ALG11: variants seen among roughly 807,000 people sequenced by gnomAD.
ALG11 encodes the protein GDP-Man:Man(3)GlcNAc(2)-PP-Dol alpha-1,2-mannosyltransferase.
ALG11 carries 26 observed loss-of-function variants against 38.8 expected under a neutral mutation model. The ratio of observed to expected loss-of-function variants is 0.67; its 90% CI spans 0.49 to 0.93. The LOEUF (loss-of-function observed/expected upper bound fraction) is 0.93, where lower values mean the gene tolerates loss of function less well. Among genes scored for constraint, ALG11 ranks in the 40% least tolerant of loss-of-function variants. The pLI, the probability that ALG11 is intolerant of heterozygous loss-of-function variation, is 0.00. For missense variants in ALG11, 535 were observed against 578.8 expected (o/e 0.92, Z 0.78); for synonymous variants, 199 against 211.6 (o/e 0.94, Z 0.52).
chr13:52,012,403 CG>C lies in ALG11; in HGVS notation c.-11del. ...AGGAAAGTGAAGCGTTTCCTGAGTT[CG>C]GGGGTCGGCGGAAGATGGCGGCCGG... On this transcript the variant is annotated 5_prime_UTR_variant, in exon 1 of 4. Coordinates refer to ENST00000521508, the MANE Select transcript of ALG11 (RefSeq NM_001004127.3). 6.2e-7 allele frequency: 1 copy of C among 1,614,002 alleles called. No individual in the cohort carries two copies. Among genetic ancestry groups the C allele is most frequent in the Non-Finnish European group, 8.5e-7 (1 of 1,180,022 alleles).
chr13:52,024,054 C>G lies in ALG11; in HGVS notation c.324C>G (p.Asn108Lys), dbSNP rs759862905. Residue 108 changes from asparagine to lysine, a missense_variant, in exon 3 of 4, where the codon AAC becomes AAG. Transcript: ENST00000521508. ...TTTATACCGGCGATGTTAATGTCAA[C>G]GGTCAACAGATACTAGAAGGTGCTT... ...YVVYTGDVNV[N>K]GQQILEGAFR... 1 of 1,614,090 alleles carries G rather than the reference C, an allele frequency of 6.2e-7. No homozygotes were observed. Among genetic ancestry groups the G allele is most frequent in the Admixed American group, 1.7e-5 (1 of 60,020 alleles).
Position 52,024,025 on chromosome 13 carries a change from G to C in ALG11, c.295G>C (p.Val99Leu), listed in dbSNP as rs745642141. Residue 99 changes from valine (V) to leucine (L), a missense_variant, in exon 3 of 4, where the codon GTT becomes CTT. Transcript: ENST00000521508. ...LQKKYPEAVY[V>L]VYTGDVNVNG... ...TTTTAGGTATCCTGAAGCAGTTTAT[G>C]TTGTTTATACCGGCGATGTTAATGT... 1 of 1,614,046 alleles carries C rather than the reference G, an allele frequency of 6.2e-7. No individual in the cohort carries two copies. Among genetic ancestry groups the C allele is most frequent in the East Asian group, 2.2e-5 (1 of 44,866 alleles).
At chr13:52,016,565 C>A (rs564155802) in intron 1 of ALG11, 2 of 152,234 alleles carry the variant, frequency 1.3e-5, no homozygotes, top group African/African-American at 4.8e-5. Flanking sequence ...CTGCTCCAGC[C>A]GTGGCTGAAA....
At chr13:52,018,144 G>C (rs1954150777) in intron 1 of ALG11, among the ~76,000 whole-genome samples, 1 of 152,118 alleles carries the variant, frequency 6.6e-6, no homozygotes, top group African/African-American at 2.4e-5. Flanking sequence ...TATATTCATT[G>C]GATGCCTTCT....
Position 52,019,997 on chromosome 13 carries a change from A to C in ALG11, c.275+854A>C, listed in dbSNP as rs191874864. 4.5e-4 allele frequency among the ~76,000 whole-genome samples: 68 copies of C among 152,328 alleles called. 1 individual carries two copies. The East Asian group carries it at 0.013, about 29-fold the overall frequency. ...AAACATCTGCCCTTTTATGGCATAA[A>C]TTAATGGGAATAACTGGTCCCCTTG... On this transcript the variant is annotated intron_variant, in intron 2 of 3. Transcript: ENST00000521508.
intron 3 of ALG11, 25 bp downstream of exon 3, chr13:52,024,962 G>A (rs774400069): frequency 6.3e-7 from 1 of 1,591,036 alleles, no homozygotes; most frequent in Non-Finnish European, 8.6e-7. Context: ...TAAACAACTT[G>A]TTTGGTGCCA....
Position 52,030,198 on chromosome 13 carries a change from T to A in ALG11, c.*1608T>A. ...GAATTGAGGGCACTATCTCAGAAAT[T>A]GAAGGAAAAACATCAGTCCAGGAAG... is the stretch of plus-strand genomic sequence containing the variant. On this transcript the variant is annotated 3_prime_UTR_variant, in exon 4 of 4. Coordinates refer to ENST00000521508, the MANE Select transcript of ALG11 (RefSeq NM_001004127.3). 6.2e-7 allele frequency: 1 copy of A among 1,614,030 alleles called. No individual in the cohort carries two copies. Among genetic ancestry groups the A allele is most frequent in the African/African-American group, 1.3e-5 (1 of 74,978 alleles).
chr13:52,014,516 T>C (rs551768340), intron 1 of ALG11, among the ~76,000 whole-genome samples: 4 of 152,010 alleles, frequency 2.6e-5, no homozygotes, highest in Non-Finnish European at 5.9e-5. Context: ...CATTTGGCAA[T>C]ATCTGGAGGG....
intron 2 of ALG11, chr13:52,022,585 T>C (rs1370746863): frequency 6.6e-6 from 1 of 152,370 alleles, no homozygotes; most frequent in East Asian, 1.9e-4. Context: ...TTTGCAGTTA[T>C]TTGTTTTGCA....
Position 52,031,403 on chromosome 13 carries a change from TG to T in ALG11, c.*2814del. 2.7e-6 allele frequency: 1 copy of T among 363,848 alleles called. No individual in the cohort carries two copies. Among genetic ancestry groups the T allele is most frequent in the East Asian group, 5.7e-5 (1 of 17,688 alleles). The allele number at this position is 363,848 out of a possible 1,614,324, so 22.5% of individuals were successfully genotyped here. ...AATTTTAAACAGACTTGTTTAATCG[TG>T]TTCTCAAAGCATACAGTCAAGAGGT... On this transcript the variant is annotated 3_prime_UTR_variant, in exon 4 of 4. Coordinates refer to ENST00000521508, the MANE Select transcript of ALG11 (RefSeq NM_001004127.3).
rs773554796 is a variant in ALG11, at chr13:52,029,727, A to G, written c.*1137A>G. The G allele has an allele frequency of 2.5e-6, 4 of 1,614,228 alleles. No homozygotes were observed. The highest frequency in any genetic ancestry group is 3.4e-6 in the Non-Finnish European group (4 of 1,180,036). On this transcript the variant is annotated 3_prime_UTR_variant, in exon 4 of 4. Coordinates refer to ENST00000521508, the MANE Select transcript of ALG11 (RefSeq NM_001004127.3). The stretch of plus-strand genomic sequence containing the variant: ...AACAGTGGGAAATGGGCCAAGTCAA[A>G]GGCAATTATGGCCAAATATGACCTG...
chr13:52,021,793 ATC>A (rs1337493300), intron 2 of ALG11: 2 of 152,372 alleles, frequency 1.3e-5, no homozygotes, highest in African/African-American at 4.8e-5. Context: ...GCTGTCGGGC[ATC>A]TCTCTCACTG....
chr13:52,017,180 C>T (rs1044913780), intron 1 of ALG11: 3 of 152,246 alleles, frequency 2.0e-5, no homozygotes, highest in African/African-American at 7.2e-5. Flanking sequence ...TTTGGAACAG[C>T]TGTACTTACC....
chr13:52,020,971 G>A (rs897506965), intron 2 of ALG11: 1 of 152,226 alleles, frequency 6.6e-6, no homozygotes, highest in Non-Finnish European at 1.5e-5. Context: ...GACCTGCTAT[G>A]TGTCAGGCAC....
Position 52,024,582 on chromosome 13 carries a change from G to T in ALG11, c.852G>T (p.Val284=). Residue 284 remains valine, a synonymous_variant, in exon 3 of 4, where the codon GTG becomes GTT. Transcript: ENST00000521508. ...CTNIVYPPCD[V]QTFLDIPLHE... ...ACATTGTTTATCCACCTTGTGATGTGCAGACATTTCTGGACATTCCCTTAC... is the reference window on the plus strand; with the variant it reads ...ACATTGTTTATCCACCTTGTGATGTTCAGACATTTCTGGACATTCCCTTAC... 2 of 1,614,112 alleles carry T rather than the reference G, an allele frequency of 1.2e-6. No individual in the cohort carries two copies. The highest frequency in any genetic ancestry group is 1.7e-6 in the Non-Finnish European group (2 of 1,179,992).
chr13:52,025,697 T>G (rs1954233732), intron 3 of ALG11, among the ~76,000 whole-genome samples: 1 of 152,226 alleles, frequency 6.6e-6, no homozygotes. Flanking sequence ...AGCACACATT[T>G]TGCTATAAAA....
chr13:52,023,924 A>C (rs1954210815), intron 2 of ALG11, 82 bp from the exon 3 acceptor site: 1 of 1,263,752 alleles, frequency 7.9e-7, no homozygotes, highest in Admixed American at 1.8e-5. Flanking sequence ...CCTCCTGAGT[A>C]GCTGGGATTA....
At position 52,030,013 on chromosome 13, in the gene ALG11, T is replaced by C; in HGVS notation, c.*1423T>C. The C allele has an allele frequency of 1.9e-6, 3 of 1,614,232 alleles. No homozygotes were observed. The highest frequency in any genetic ancestry group is 2.5e-6 in the Non-Finnish European group (3 of 1,180,042). ...CAGAGCTTGCAGCTCATGAGGTTTC[T>C]GCAAGTGAGGCAGAAGAAAGACCAG... On this transcript the variant is annotated 3_prime_UTR_variant, in exon 4 of 4. Coordinates refer to ENST00000521508, the MANE Select transcript of ALG11 (RefSeq NM_001004127.3).
chr13:52,030,704 G>T lies in ALG11; in HGVS notation c.*2114G>T. The T allele has an allele frequency of 6.2e-7, 1 of 1,614,206 alleles. No homozygotes were observed. Among genetic ancestry groups the T allele is most frequent in the Non-Finnish European group, 8.5e-7 (1 of 1,180,038 alleles). ...GACACTACCTGGCTGGGGCGAGTGG[G>T]GTGGTGTGGGCCTAAAGCCCAGTGC... On this transcript the variant is annotated 3_prime_UTR_variant, in exon 4 of 4. Transcript: ENST00000521508.
Sources: gnomAD v4.1 joint callset for allele counts (sites outside exome capture counted in the v4.1 genomes callset) on GRCh38, gnomAD v4.1.1 for gene constraint, MANE v1.5 for transcripts, NCBI Gene and HGNC (gene_info 2026-07-23, HGNC 2026-07-21) for gene names.